Variants in TRIM37 observed in about 807,000 individuals in gnomAD.
The protein encoded by TRIM37 is E3 ubiquitin-protein ligase TRIM37.
A neutral mutation model predicts 129.8 loss-of-function variants in TRIM37; 80 were observed. The observed-to-expected ratio is 0.62, with a 90% CI of 0.51 to 0.74. The LOEUF (loss-of-function observed/expected upper bound fraction) is 0.74, where lower values mean the gene tolerates loss of function less well. TRIM37 is among the 30% of genes least tolerant of loss of function. The pLI, the probability that TRIM37 is intolerant of heterozygous loss-of-function variation, is 0.00. For missense variants in TRIM37, 1,054 were observed against 1,176.5 expected (o/e 0.90, Z 1.52); for synonymous variants, 389 against 387.1 (o/e 1.00, Z -0.06).
At chr17:59,001,469 A>G in intron 23 of TRIM37, 129 bp downstream of exon 23, 1 of 1,067,732 alleles carries the variant, frequency 9.4e-7, no homozygotes, top group Non-Finnish European at 1.3e-6. Flanking sequence ...AAAAAAAAAA[A>G]GAAGTAGAAG....
chr17:59,017,464 C>T, intron 19 of TRIM37, 40 bp from the exon 20 acceptor site: 1 of 1,613,220 alleles, frequency 6.2e-7, no homozygotes, highest in Non-Finnish European at 8.5e-7. Context: ...TAGGCTACTA[C>T]AGCACAAAAC....
intron 6 of TRIM37, 79 bp from the exon 7 acceptor site, chr17:59,079,956 A>G: frequency 3.4e-6 from 5 of 1,483,840 alleles, no homozygotes; most frequent in Non-Finnish European, 4.7e-6. Context: ...TATTGCCAAG[A>G]ATAGATAATA....
chr17:59,096,136 T>C (rs541160727), intron 2 of TRIM37, among the ~76,000 whole-genome samples: 1 of 152,074 alleles, frequency 6.6e-6, no homozygotes, highest in Non-Finnish European at 1.5e-5. Flanking sequence ...CAAAAACCTG[T>C]AAGAATGAGT....
chr17:59,100,965 T>C (rs1599587321), intron 2 of TRIM37, among the ~76,000 whole-genome samples: 1 of 147,362 alleles, frequency 6.8e-6, no homozygotes, highest in Non-Finnish European at 1.5e-5. Flanking sequence ...GAGGTTGCAG[T>C]GAGCGGAGAT....
chr17:59,088,450 AG>A (rs1248046429), intron 3 of TRIM37, 43 bp from the exon 4 acceptor site: 1 of 1,096,070 alleles, frequency 9.1e-7, no homozygotes, highest in Non-Finnish European at 1.4e-6. Flanking sequence ...CAGGAATTTG[AG>A]ATTATTTTAT....
intron 17 of TRIM37, among the ~76,000 whole-genome samples, chr17:59,036,879 G>A (rs1282539541): frequency 6.6e-6 from 1 of 151,946 alleles, no homozygotes; most frequent in Non-Finnish European, 1.5e-5. Flanking sequence ...TTGGGAGGCT[G>A]AGGCGGGTGG....
At position 59,015,780 on chromosome 17, in the gene TRIM37, C is replaced by T. The variant is rs748469237; in HGVS notation, c.2406G>A (p.Gln802=). 4.3e-6 allele frequency: 7 copies of T among 1,613,268 alleles called. No individual in the cohort carries two copies. In the African/African-American group the frequency reaches 9.4e-5, roughly 22 times the overall value. ...GGGGAGAACTGTGCCTGCTCCCAGA[C>T]TGAGAGCTTCCTGGGGAGCCTTCAA... is the stretch of plus-strand genomic sequence containing the variant. ...TLSEGSPGSS[Q]SGSRHSSPRA... is the part of the protein sequence containing the mutation. The change falls in exon 21 of 24, where the codon CAG becomes CAA. Residue 802 remains glutamine (Q), a synonymous_variant. Coordinates refer to ENST00000262294, the MANE Select transcript of TRIM37 (RefSeq NM_015294.6).
Position 59,044,119 on chromosome 17 carries a change from C to T in TRIM37, c.1668-2221G>A, listed in dbSNP as rs538838113. Among the ~76,000 whole-genome samples, 47 of 152,218 alleles carry T rather than the reference C, an allele frequency of 3.1e-4. 1 individual carries two copies. The highest frequency in any genetic ancestry group is 1.1e-3 in the African/African-American group (46 of 41,554). ...CGGGCCAGCCTAGAACATAGTAAGGCAACATAGTGAGACCCTGTCTCTACA... is the reference window on the plus strand; with the variant it reads ...CGGGCCAGCCTAGAACATAGTAAGGTAACATAGTGAGACCCTGTCTCTACA... On this transcript the variant is annotated intron_variant, in intron 16 of 23. Transcript: ENST00000262294.
At chr17:59,071,644 C>T (rs1471370802) in intron 8 of TRIM37, among the ~76,000 whole-genome samples, 3 of 150,550 alleles carry the variant, frequency 2.0e-5, no homozygotes, top group African/African-American at 7.3e-5. Flanking sequence ...GAATACAAAA[C>T]GTACACACAT....
chr17:59,102,956 T>C (rs1366989686), intron 2 of TRIM37, among the ~76,000 whole-genome samples: 1 of 151,996 alleles, frequency 6.6e-6, no homozygotes, highest in Non-Finnish European at 1.5e-5. Context: ...CACTGCAACC[T>C]CTGCCTCCCG....
intron 2 of TRIM37, among the ~76,000 whole-genome samples, chr17:59,097,656 C>A (rs1250692458): frequency 6.6e-6 from 1 of 152,104 alleles, no homozygotes; most frequent in Non-Finnish European, 1.5e-5. Context: ...GTCTCTTGAA[C>A]CCAGGAAGTT....
At chr17:59,047,152 C>CA (rs1488726686) in intron 16 of TRIM37, among the ~76,000 whole-genome samples, 34 of 125,722 alleles carry the variant, frequency 2.7e-4, no homozygotes, top group African/African-American at 8.7e-4. Context: ...GACTCCGTCT[C>CA]AAAAAAAAAG....
chr17:59,084,019 C>A lies in TRIM37; in HGVS notation c.352G>T (p.Ala118Ser). Residue 118 changes from alanine to serine, a missense_variant, in exon 5 of 24, where the codon GCA becomes TCA. This residue lies in a region of TRIM37 where 752 missense variants were observed against 870.8 expected (regional missense o/e 0.86). Coordinates refer to ENST00000262294, the MANE Select transcript of TRIM37 (RefSeq NM_015294.6). ...CTGCTCACCATTCCTCCCCAAAGTG[C>A]ACACTGATGGCAGATACACTTCTTA... ...TCKKCICHQC[A>S]LWGGMHGGHT... is the part of the protein sequence containing the mutation. 6.2e-7 allele frequency: 1 copy of A among 1,613,810 alleles called. No individual in the cohort carries two copies. The highest frequency in any genetic ancestry group is 8.5e-7 in the Non-Finnish European group (1 of 1,179,876).
chr17:59,031,912 T>C lies in TRIM37; in HGVS notation c.1932A>G (p.Ser644=). ...TTATTTTACCTGTGGGCTGCAGAAG[T>C]GAAGCAGGTGGGCGAGGCTGTAAGC... The part of the protein sequence containing the change: ...LWGLQPRPPA[S]LLQPTASYSR... The change falls in exon 18 of 24, where the codon TCA becomes TCG. Residue 644 remains serine (S), a synonymous_variant. Transcript: ENST00000262294. 1 of 1,614,002 alleles carries C rather than the reference T, an allele frequency of 6.2e-7. No individual in the cohort carries two copies. The highest frequency in any genetic ancestry group is 1.1e-5 in the South Asian group (1 of 91,058).
the TRIM37 span, chr17:58,969,823 G>A: frequency 8.6e-7 from 1 of 1,163,964 alleles, no homozygotes; most frequent in Non-Finnish European, 1.2e-6. Flanking sequence ...TCTCTTTCTG[G>A]GCAGACATTA....
chr17:59,045,506 G>C (rs2039690626), intron 16 of TRIM37, among the ~76,000 whole-genome samples: 1 of 151,412 alleles, frequency 6.6e-6, no homozygotes, highest in South Asian at 2.1e-4. Flanking sequence ...GGGTGTGGTG[G>C]TGGGTGCCTG....
intron 19 of TRIM37, among the ~76,000 whole-genome samples, chr17:59,022,446 T>C (rs2036719347): frequency 6.6e-6 from 1 of 152,238 alleles, no homozygotes; most frequent in African/African-American, 2.4e-5. Context: ...GAAATTCTCG[T>C]AGTAAGAAAA....
At chr17:58,998,200 T>C (rs1267150636), downstream of TRIM37, 1 of 985,130 alleles carries the variant, frequency 1.0e-6, no homozygotes, top group Non-Finnish European at 1.2e-6. Context: ...AGCAGAGGCA[T>C]ATTTTCTCAA....
In TRIM37 at chr17:58,998,625, T is replaced by C; in HGVS notation, c.*752A>G. On this transcript the variant is annotated 3_prime_UTR_variant, in exon 24 of 24. Coordinates refer to ENST00000262294, the MANE Select transcript of TRIM37 (RefSeq NM_015294.6). The stretch of plus-strand genomic sequence containing the variant: ...AGAAAAGGGGGCTTTAAAATATTTG[T>C]TGCACTACAGTCGTATAGTAAGAGG... 1.0e-6 allele frequency: 1 copy of C among 985,430 alleles called. No individual in the cohort carries two copies. The highest frequency in any genetic ancestry group is 1.2e-6 in the Non-Finnish European group (1 of 829,916). 61.0% of individuals were successfully genotyped at this position (985,430 alleles called of 1,614,324 possible). A position where few individuals can be genotyped will look rare whatever the true frequency, so the allele number is the denominator to read the frequency against.
Sources: gnomAD v4.1 joint callset for allele counts (sites outside exome capture counted in the v4.1 genomes callset) on GRCh38, gnomAD v4.1.1 for gene constraint, gnomAD v4.1.1 regional missense constraint, MANE v1.5 for transcripts, NCBI Gene and HGNC (gene_info 2026-07-23, HGNC 2026-07-21) for gene names.